The following NKAIN2 variants were observed in gnomAD, a reference collection of about 807,000 sequenced individuals.
NKAIN2 encodes sodium/potassium transporting ATPase interacting 2, also known as sodium/potassium-transporting ATPase subunit beta-1-interacting protein 2.
Under a neutral mutation model 32.6 loss-of-function variants are expected in NKAIN2, and 14 were observed. The ratio of observed to expected loss-of-function variants is 0.43; its 90% CI spans 0.28 to 0.67. NKAIN2 has a LOEUF of 0.67. Ranked by LOEUF, NKAIN2 falls within the 30% of genes least tolerant of loss-of-function variation. The pLI is 0.17. For synonymous variants in NKAIN2, 80 were observed against 87.2 expected (o/e 0.92, Z 0.46); for missense variants, 198 against 258.3 (o/e 0.77, Z 1.60).
chr6:123,842,129 C>T (rs1774897500), intron 1 of NKAIN2, among the ~76,000 whole-genome samples: 1 of 152,088 alleles, frequency 6.6e-6, no homozygotes, highest in Non-Finnish European at 1.5e-5. Context: ...ATAATGCTAA[C>T]AAGACAATTT....
chr6:124,593,205 T>TTGTGTATGTG (rs1781972511), intron 3 of NKAIN2, among the ~76,000 whole-genome samples: 1 of 149,898 alleles, frequency 6.7e-6, no homozygotes, highest in Non-Finnish European at 1.5e-5. Flanking sequence ...GATGAGAGTT[T>TTGTGTATGTG]TGTGTGTGTG....
intron 1 of NKAIN2, among the ~76,000 whole-genome samples, chr6:123,912,669 A>G (rs1171445696): frequency 6.6e-6 from 1 of 151,872 alleles, no homozygotes; most frequent in African/African-American, 2.4e-5. Context: ...GGTGATGCCT[A>G]CTCCCCTTCA....
intron 1 of NKAIN2, among the ~76,000 whole-genome samples, chr6:124,190,067 A>G (rs1286527786): frequency 2.6e-5 from 4 of 152,230 alleles, no homozygotes; most frequent in Non-Finnish European, 5.9e-5. Context: ...GGCCACAAAC[A>G]TATGAAAGTG....
chr6:124,746,726 A>G (rs898841722), intron 4 of NKAIN2, among the ~76,000 whole-genome samples: 7 of 151,870 alleles, frequency 4.6e-5, no homozygotes, highest in Middle Eastern at 3.2e-3. Flanking sequence ...TAGTACTTCC[A>G]TGATCACACA....
At chr6:124,427,005 G>C (rs1389617314) in intron 3 of NKAIN2, among the ~76,000 whole-genome samples, 1 of 152,122 alleles carries the variant, frequency 6.6e-6, no homozygotes, top group Non-Finnish European at 1.5e-5. Context: ...CCAGTCTCAG[G>C]CATGTCTTTA....
chr6:124,820,578 G>A (rs1177812762), intron 6 of NKAIN2, among the ~76,000 whole-genome samples: 1 of 152,142 alleles, frequency 6.6e-6, no homozygotes, highest in Non-Finnish European at 1.5e-5. Flanking sequence ...TACACTGCAA[G>A]TCATTCCTAA....
chr6:123,898,720 T>C (rs1002857693), intron 1 of NKAIN2, among the ~76,000 whole-genome samples: 2 of 152,192 alleles, frequency 1.3e-5, no homozygotes, highest in Non-Finnish European at 2.9e-5. Context: ...ATCACTGTCA[T>C]CATTCATCTG....
intron 1 of NKAIN2, among the ~76,000 whole-genome samples, chr6:123,922,984 AG>A (rs1206563162): frequency 1.3e-5 from 2 of 152,226 alleles, no homozygotes; most frequent in Non-Finnish European, 2.9e-5. Flanking sequence ...ACAGCTTTGT[AG>A]TTACATTTGT....
At chr6:124,683,719 C>A (rs1221259731) in intron 4 of NKAIN2, among the ~76,000 whole-genome samples, 1 of 152,156 alleles carries the variant, frequency 6.6e-6, no homozygotes, top group Non-Finnish European at 1.5e-5. Context: ...CCTCTCTATT[C>A]ACTCACTCAA....
intron 3 of NKAIN2, among the ~76,000 whole-genome samples, chr6:124,433,558 G>T (rs553866402): frequency 6.6e-6 from 1 of 152,230 alleles, no homozygotes; most frequent in South Asian, 2.1e-4. Flanking sequence ...TGTCAGTCTG[G>T]GTCTTGAGAA....
intron 4 of NKAIN2, among the ~76,000 whole-genome samples, chr6:124,664,631 A>T (rs1772682384): frequency 6.7e-6 from 1 of 150,316 alleles, no homozygotes; most frequent in Admixed American, 6.6e-5. Flanking sequence ...CGTCTCTACT[A>T]AAAATACAAA....
intron 1 of NKAIN2, among the ~76,000 whole-genome samples, chr6:123,810,005 A>AG: frequency 6.6e-6 from 1 of 152,184 alleles, no homozygotes; most frequent in Non-Finnish European, 1.5e-5. Context: ...GCATTTAAAA[A>AG]TCTAGTTTTA....
intron 4 of NKAIN2, among the ~76,000 whole-genome samples, chr6:124,674,402 A>G (rs1296649636): frequency 6.6e-6 from 1 of 151,918 alleles, no homozygotes; most frequent in East Asian, 1.9e-4. Flanking sequence ...AAAAAGAGCC[A>G]TTGTGCTTTT....
At chr6:124,267,658 C>T (rs574328073) in intron 1 of NKAIN2, among the ~76,000 whole-genome samples, 1 of 152,196 alleles carries the variant, frequency 6.6e-6, no homozygotes, top group Non-Finnish European at 1.5e-5. Context: ...ATAAACTTCT[C>T]TTTAGACATT....
intron 1 of NKAIN2, among the ~76,000 whole-genome samples, chr6:123,998,390 A>C (rs1395071301): frequency 6.6e-6 from 1 of 152,146 alleles, no homozygotes; most frequent in African/African-American, 2.4e-5. Flanking sequence ...AATAATAAAA[A>C]ATGTCTGTCT....
rs371586291 is a variant in NKAIN2 at position 124,496,225 on chromosome 6, G to T, written c.273+140878G>T. Among the ~76,000 whole-genome samples, 14 of 152,252 alleles carry T rather than the reference G, an allele frequency of 9.2e-5. No homozygotes were observed. The East Asian group carries it at 2.1e-3, about 23-fold the overall frequency. On this transcript the variant is annotated intron_variant, in intron 3 of 6. Transcript: ENST00000368417. ...TCAAATGTGCTTGTGTAGTATTCCA[G>T]CCATCAGTCCTTTCATTTCAATAAA...
intron 1 of NKAIN2, among the ~76,000 whole-genome samples, chr6:124,088,058 T>G (rs1784262600): frequency 6.6e-6 from 1 of 151,974 alleles, no homozygotes; most frequent in South Asian, 2.1e-4. Flanking sequence ...CACGTTAGAG[T>G]CTCACAACCT....
chr6:123,835,855 T>G (rs977947192), intron 1 of NKAIN2, among the ~76,000 whole-genome samples: 1 of 152,174 alleles, frequency 6.6e-6, no homozygotes, highest in African/African-American at 2.4e-5. Flanking sequence ...AGGTTCATGG[T>G]TGGACAGTAC....
chr6:124,275,463 T>TA (rs140351944), intron 1 of NKAIN2, among the ~76,000 whole-genome samples: 17,036 of 152,156 alleles, frequency 0.11, 1,140 homozygotes, highest in African/African-American at 0.18. Context: ...TGGAAAGCTT[T>TA]ATTGTGATGA....
Sources: allele counts gnomAD v4.1 joint callset (sites outside exome capture counted in the v4.1 genomes callset), GRCh38; gene constraint gnomAD v4.1.1; transcripts MANE v1.5; gene names NCBI Gene and HGNC (gene_info 2026-07-23, HGNC 2026-07-21).